Variants in TUBGCP2 observed in about 807,000 individuals in gnomAD.
The protein encoded by TUBGCP2 is gamma-tubulin complex component 2.
A neutral mutation model predicts 92.2 loss-of-function variants in TUBGCP2; 55 were observed. That is an observed-to-expected ratio of 0.60 (90% confidence interval 0.48 to 0.75). TUBGCP2 has a LOEUF of 0.75. Among genes scored for constraint, TUBGCP2 ranks in the 30% least tolerant of loss-of-function variants. TUBGCP2 has a pLI of 0.00. For synonymous variants in TUBGCP2, 533 were observed against 505.2 expected, an observed-to-expected ratio of 1.06 and a Z score of -0.74; for missense variants, 1,093 against 1,188.9, an observed-to-expected ratio of 0.92 and a Z score of 1.19.
Position 133,285,759 on chromosome 10 carries a change from G to A in TUBGCP2, c.1723-131C>T, listed in dbSNP as rs111838261. ...CCCTACATTCCGATTCTAAATATCA[G>A]AGGCTTTTCAAAAACCCAAACATCT... On this transcript the variant is annotated intron_variant, in intron 11 of 17. Coordinates refer to ENST00000252936, the MANE Select transcript of TUBGCP2 (RefSeq NM_006659.4). The surrounding 1 kb of genome is among the most constrained non-coding windows in gnomAD (Gnocchi z 6.8). The A allele has an allele frequency of 8.7e-5, 79 of 911,202 alleles. 2 individuals carry two copies. The African/African-American group carries it at 9.6e-4, about 11-fold the overall frequency. The allele number at this position is 911,202 out of a possible 1,614,324, so 56.4% of individuals were successfully genotyped here.
chr10:133,298,207 G>T, intron 4 of TUBGCP2, 96 bp from the exon 5 acceptor site: 1 of 1,343,690 alleles, frequency 7.4e-7, no homozygotes, highest in Non-Finnish European at 1.0e-6. Context: ...CTACGGCAAA[G>T]ATGATTACTC....
chr10:133,298,401 G>C (rs1181883678), intron 4 of TUBGCP2, among the ~76,000 whole-genome samples: 5 of 152,246 alleles, frequency 3.3e-5, no homozygotes, highest in Admixed American at 2.6e-4. Context: ...GGAACCACGG[G>C]AGAGGGTGCA....
chr10:133,294,816 G>A (rs771584586), intron 5 of TUBGCP2, among the ~76,000 whole-genome samples: 7 of 97,856 alleles, frequency 7.2e-5, no homozygotes, highest in East Asian at 2.9e-4. Context: ...GGGTCTTGCC[G>A]TGTTGCCCAG....
At position 133,285,268 on chromosome 10, in the gene TUBGCP2, G is replaced by A. The variant is rs750401452; in HGVS notation, c.1896-55C>T. 18 of 1,605,874 alleles carry A rather than the reference G, an allele frequency of 1.1e-5. No individual in the cohort carries two copies. Among genetic ancestry groups the A allele is most frequent in the East Asian group, 2.2e-5 (1 of 44,812 alleles). On this transcript the variant is annotated intron_variant, in intron 12 of 17. Transcript: ENST00000252936. This position sits in a 1 kb window ranked among gnomAD's most constrained non-coding sequence, Gnocchi z 6.8. ...GGCCTCCGTGACCGGCGGCGTCGTG[G>A]ACACGGCGTCTGTACTCCACAGTCC... is the stretch of plus-strand genomic sequence containing the variant.
intron 2 of TUBGCP2, chr10:133,302,490 C>A: frequency 2.6e-6 from 1 of 388,622 alleles, no homozygotes; most frequent in South Asian, 2.6e-5. Context: ...CACCCTGCAC[C>A]CTGACCCAGG....
chr10:133,283,340 T>C (rs1393109920), intron 14 of TUBGCP2, 119 bp from the exon 15 acceptor site: 2 of 1,396,936 alleles, frequency 1.4e-6, no homozygotes, highest in African/African-American at 1.5e-5. Flanking sequence ...ACCTCTTAAA[T>C]GGGCCTTGGG....
intron 6 of TUBGCP2, 149 bp downstream of exon 6, chr10:133,293,413 G>C (rs371272712): frequency 8.5e-7 from 1 of 1,182,718 alleles, no homozygotes; most frequent in Non-Finnish European, 1.2e-6. Context: ...GTGACTCACA[G>C]ACCCTCCAAA....
upstream of TUBGCP2, chr10:133,309,388 A>G (rs1847931793): frequency 6.2e-7 from 1 of 1,611,094 alleles, no homozygotes; most frequent in South Asian, 1.1e-5. Context: ...CTTTTCCTGC[A>G]GGATGGGGAC....
chr10:133,289,789 C>T, intron 9 of TUBGCP2, 35 bp downstream of exon 9: 1 of 1,611,976 alleles, frequency 6.2e-7, no homozygotes, highest in Non-Finnish European at 8.5e-7. Context: ...CAGAGCTGTG[C>T]TGCGCACCCC....
chr10:133,290,157 GGGCACGGT>G, intron 8 of TUBGCP2, 188 bp from the exon 9 acceptor site: 1 of 773,098 alleles, frequency 1.3e-6, no homozygotes, highest in Non-Finnish European at 2.0e-6. Flanking sequence ...CCTAGGGGCC[GGGCACGGT>G]GGCTCACGCC....
chr10:133,283,270 C>CG lies in TUBGCP2; in HGVS notation c.2146-50dup, dbSNP rs773553014. The stretch of plus-strand genomic sequence containing the variant: ...TTCTCAGAAAGACGTGGCTGACAGA[C>CG]GGGCCCTGCATGCGCACGTGCTCAG... On this transcript the variant is annotated intron_variant, in intron 14 of 17. Transcript: ENST00000252936. 8 of 1,611,364 alleles carry CG rather than the reference C, an allele frequency of 5.0e-6. No homozygotes were observed. The South Asian group carries it at 8.8e-5, about 18-fold the overall frequency.
chr10:133,287,873 C>T (rs1454629398), intron 11 of TUBGCP2, among the ~76,000 whole-genome samples: 3 of 152,232 alleles, frequency 2.0e-5, no homozygotes, highest in Non-Finnish European at 4.4e-5. Context: ...AACAATTCCA[C>T]AAGGCCAGCA....
intron 5 of TUBGCP2, among the ~76,000 whole-genome samples, chr10:133,294,671 A>C (rs1847449401): frequency 6.6e-6 from 1 of 151,336 alleles, no homozygotes; most frequent in Non-Finnish European, 1.5e-5. Flanking sequence ...TCTGGAGGGC[A>C]GTGGTGCAAT....
intron 14 of TUBGCP2, among the ~76,000 whole-genome samples, chr10:133,283,662 GTCTCCCTGCACTCCCTGCC>G (rs1847046083): frequency 1.4e-5 from 2 of 145,428 alleles, no homozygotes; most frequent in African/African-American, 5.6e-5. Flanking sequence ...TGCACTCCGT[GTCTCCCTGCACTCCCTGCC>G]TCTCCCGCAT....
upstream of TUBGCP2, chr10:133,311,813 G>C: frequency 6.2e-7 from 1 of 1,613,334 alleles, no homozygotes; most frequent in African/African-American, 1.3e-5. Flanking sequence ...CCCTGCACCG[G>C]CAGGTGAGAG....
upstream of TUBGCP2, chr10:133,311,957 G>A (rs530960305): frequency 5.0e-6 from 8 of 1,611,912 alleles, no homozygotes; most frequent in Middle Eastern, 1.6e-4. Flanking sequence ...GTAACGCTGG[G>A]TAAGAAAATC....
chr10:133,285,289 A>G lies in TUBGCP2; in HGVS notation c.1896-76T>C, dbSNP rs1183821701. The G allele has an allele frequency of 6.2e-7, 1 of 1,600,732 alleles. No individual in the cohort carries two copies. Among genetic ancestry groups the G allele is most frequent in the Non-Finnish European group, 8.5e-7 (1 of 1,177,078 alleles). On this transcript the variant is annotated intron_variant, in intron 12 of 17. Coordinates refer to ENST00000252936, the MANE Select transcript of TUBGCP2 (RefSeq NM_006659.4). This position sits in a 1 kb window ranked among gnomAD's most constrained non-coding sequence, Gnocchi z 6.8. ...CGTGGACACGGCGTCTGTACTCCAC[A>G]GTCCGCACCGTGGCCCCCGGACAGC...
chr10:133,308,086 C>A (rs1321578799), intron 1 of TUBGCP2, among the ~76,000 whole-genome samples: 2 of 152,218 alleles, frequency 1.3e-5, no homozygotes, highest in Non-Finnish European at 2.9e-5. Flanking sequence ...CCATTGCACT[C>A]CAGCCTGGGT....
At chr10:133,303,089 A>C in intron 1 of TUBGCP2, 109 bp from the exon 2 acceptor site, 2 of 1,029,176 alleles carry the variant, frequency 1.9e-6, no homozygotes, top group Non-Finnish European at 2.8e-6. Flanking sequence ...CCAAGTTATC[A>C]CCTGGCCTGC....
Sources: gnomAD v4.1 joint callset for allele counts (sites outside exome capture counted in the v4.1 genomes callset) on GRCh38, gnomAD v4.1.1 for gene constraint, Gnocchi (gnomAD v3.1) non-coding constraint, MANE v1.5 for transcripts, NCBI Gene and HGNC (gene_info 2026-07-23, HGNC 2026-07-21) for gene names.